The following MAGI3 variants were observed in gnomAD, a reference collection of about 807,000 sequenced individuals.
The protein encoded by MAGI3 is membrane associated guanylate kinase, WW and PDZ domain containing 3, also known as membrane-associated guanylate kinase, WW and PDZ domain-containing protein 3.
Under a neutral mutation model 121.8 loss-of-function variants are expected in MAGI3, and 43 were observed. The observed-to-expected ratio is 0.35, with a 90% CI of 0.28 to 0.46. The LOEUF (loss-of-function observed/expected upper bound fraction) is 0.46. Among genes scored for constraint, MAGI3 ranks in the 20% least tolerant of loss-of-function variants. The pLI is 1.00. For missense variants in MAGI3, 1,547 were observed against 1,797.3 expected (o/e 0.86, Z 2.52); for synonymous variants, 553 against 639.3 (o/e 0.86, Z 2.04).
intron 1 of MAGI3, among the ~76,000 whole-genome samples, chr1:113,474,285 A>G (rs1433114414): frequency 1.3e-5 from 2 of 152,102 alleles, no homozygotes; most frequent in Admixed American, 6.5e-5. Flanking sequence ...CCATTTGTCT[A>G]TTTTGGCTTT....
chr1:113,650,690 A>C (rs1571000331), intron 13 of MAGI3, among the ~76,000 whole-genome samples: 1 of 152,164 alleles, frequency 6.6e-6, no homozygotes, highest in East Asian at 1.9e-4. Flanking sequence ...CTGCAGATTT[A>C]TATTTTCTGA....
intron 1 of MAGI3, among the ~76,000 whole-genome samples, chr1:113,546,176 TTTAA>T (rs1409311646): frequency 6.6e-6 from 1 of 152,240 alleles, no homozygotes; most frequent in East Asian, 1.9e-4. Flanking sequence ...CAATATATTT[TTTAA>T]TTAATTGTTA....
rs757124336 is a variant in MAGI3, at chr1:113,683,941, C to T, written c.4373C>T (p.Thr1458Ile). 1 of 1,609,098 alleles carries T rather than the reference C, an allele frequency of 6.2e-7. No individual in the cohort carries two copies. Among genetic ancestry groups the T allele is most frequent in the Non-Finnish European group, 8.5e-7 (1 of 1,177,676 alleles). ...SSSPVKKTLI[T>I]PGPWKVPSGN... The stretch of plus-strand genomic sequence containing the variant: ...TCTCCAGTTAAGAAAACACTGATAA[C>T]TCCAGGGCCCTGGAAGGTTCCAAGT... Residue 1458 changes from threonine (T) to isoleucine (I), a missense_variant, in exon 21 of 21, where the codon ACT becomes ATT. Coordinates refer to ENST00000307546, the MANE Select transcript of MAGI3 (RefSeq NM_001142782.2).
intron 1 of MAGI3, among the ~76,000 whole-genome samples, chr1:113,401,486 G>A (rs899584970): frequency 2.0e-5 from 3 of 152,034 alleles, no homozygotes; most frequent in Non-Finnish European, 2.9e-5. Context: ...ACATTTGTAA[G>A]AGAATATTTT....
intron 1 of MAGI3, among the ~76,000 whole-genome samples, chr1:113,398,994 A>G (rs533241598): frequency 2.6e-4 from 40 of 152,286 alleles, no homozygotes; most frequent in African/African-American, 9.4e-4. Context: ...AATGTAGGCT[A>G]AGAAGAAATT....
chr1:113,627,176 T>C (rs1287995150), intron 9 of MAGI3, among the ~76,000 whole-genome samples: 1 of 152,142 alleles, frequency 6.6e-6, no homozygotes, highest in African/African-American at 2.4e-5. Context: ...CCTTCTTAAT[T>C]CCTTTATTGA....
intron 1 of MAGI3, among the ~76,000 whole-genome samples, chr1:113,475,827 G>T (rs1326993950): frequency 6.6e-6 from 1 of 152,164 alleles, no homozygotes; most frequent in Non-Finnish European, 1.5e-5. Flanking sequence ...TGTACCTCTG[G>T]TAGAATTCGG....
At chr1:113,489,173 C>CA (rs1215677857) in intron 1 of MAGI3, among the ~76,000 whole-genome samples, 1 of 151,002 alleles carries the variant, frequency 6.6e-6, no homozygotes, top group East Asian at 2.1e-4. Context: ...CCTTAGGCCC[C>CA]CCCCGACCCC....
intron 1 of MAGI3, among the ~76,000 whole-genome samples, chr1:113,411,499 A>G (rs1651983583): frequency 6.6e-6 from 1 of 152,008 alleles, no homozygotes; most frequent in African/African-American, 2.4e-5. Context: ...ATTCTGGTAT[A>G]TTGGGAATTA....
chr1:113,402,816 C>A (rs544341558), intron 1 of MAGI3, among the ~76,000 whole-genome samples: 21 of 152,144 alleles, frequency 1.4e-4, no homozygotes, highest in African/African-American at 4.3e-4. Context: ...TCTCAGGCCA[C>A]GTAAAGCTGG....
intron 1 of MAGI3, among the ~76,000 whole-genome samples, chr1:113,405,201 C>T (rs1054302790): frequency 1.3e-5 from 2 of 152,012 alleles, no homozygotes; most frequent in African/African-American, 4.8e-5. Context: ...ATTGAAAGGC[C>T]AGATGTGGTG....
intron 2 of MAGI3, among the ~76,000 whole-genome samples, chr1:113,580,097 A>G (rs1335776059): frequency 1.3e-5 from 2 of 152,152 alleles, no homozygotes; most frequent in Non-Finnish European, 2.9e-5. Context: ...TAATTTTTAA[A>G]AATTACTTGA....
chr1:113,555,891 AT>A (rs1013410098), intron 2 of MAGI3, among the ~76,000 whole-genome samples: 23 of 151,770 alleles, frequency 1.5e-4, no homozygotes, highest in African/African-American at 5.6e-4. Flanking sequence ...CTTAAAAAAA[AT>A]AGAGAAAGAA....
rs1652426890 is a variant in MAGI3, at chr1:113,640,942, AAAT to A, written c.1361-967_1361-965del. 8.1e-5 allele frequency among the ~76,000 whole-genome samples: 11 copies of A among 135,978 alleles called. No individual in the cohort carries two copies. The Admixed American group carries it at 8.1e-4, about 10-fold the overall frequency. The allele number at this position is 135,978 out of a possible 152,430, so 89.2% of individuals were successfully genotyped here. Reference sequence around the variant, plus strand: ...GATATATTTTATATATCATATATATAAATATATATAATATTAAATATATATATG... The same window carrying A: ...GATATATTTTATATATCATATATATAATATATAATATTAAATATATATATG... On this transcript the variant is annotated intron_variant, in intron 9 of 20. Transcript: ENST00000307546.
intron 12 of MAGI3, among the ~76,000 whole-genome samples, chr1:113,647,810 A>C (rs1652931700): frequency 6.6e-6 from 1 of 152,210 alleles, no homozygotes. Context: ...ACAATGTAGA[A>C]TCCCTTTCTT....
intron 9 of MAGI3, among the ~76,000 whole-genome samples, chr1:113,634,418 G>A (rs900627593): frequency 2.6e-5 from 4 of 152,210 alleles, no homozygotes; most frequent in South Asian, 2.1e-4. Context: ...TGTATAAGGT[G>A]TAAGGAAGGG....
intron 16 of MAGI3, among the ~76,000 whole-genome samples, chr1:113,663,002 G>T (rs935554656): frequency 9.9e-5 from 15 of 152,118 alleles, no homozygotes; most frequent in Admixed American, 8.5e-4. Context: ...AAGGCAGGCG[G>T]ATCAACTGAG....
intron 9 of MAGI3, among the ~76,000 whole-genome samples, chr1:113,641,503 C>CA (rs930978657): frequency 2.0e-5 from 3 of 151,660 alleles, no homozygotes; most frequent in Non-Finnish European, 4.4e-5. Flanking sequence ...TTAATTTATT[C>CA]AAAAAATATA....
intron 16 of MAGI3, among the ~76,000 whole-genome samples, chr1:113,667,773 G>A (rs1647257394): frequency 6.6e-6 from 1 of 152,148 alleles, no homozygotes; most frequent in Non-Finnish European, 1.5e-5. Context: ...TGAGAGATAT[G>A]CAACTCTTTC....
Sources: gnomAD v4.1 joint callset for allele counts (sites outside exome capture counted in the v4.1 genomes callset) on GRCh38, gnomAD v4.1.1 for gene constraint, MANE v1.5 for transcripts, NCBI Gene and HGNC (gene_info 2026-07-23, HGNC 2026-07-21) for gene names.